DNALI1: variants seen among roughly 807,000 people sequenced by gnomAD.
DNALI1 encodes the protein dynein axonemal light intermediate chain 1.
In DNALI1, 31 loss-of-function variants were observed where a neutral mutation model predicts 33.9. The ratio of observed to expected loss-of-function variants is 0.91; its 90% CI spans 0.69 to 1.23. DNALI1 has a LOEUF of 1.23. Ranked by LOEUF, DNALI1 falls within the 50% of genes most tolerant of loss-of-function variation. The probability of loss-of-function intolerance (pLI) is 0.00; values close to 1 mark genes in which losing one functional copy is unlikely to be tolerated. For synonymous variants in DNALI1, 117 were observed against 129.2 expected, an observed-to-expected ratio of 0.91 and a Z score of 0.64; for missense variants, 305 against 323.8, an observed-to-expected ratio of 0.94 and a Z score of 0.44.
Position 37,561,776 on chromosome 1 carries a change from G to A in DNALI1, c.576+41G>A, listed in dbSNP as rs753575785. The A allele has an allele frequency of 9.4e-6, 15 of 1,592,312 alleles. No individual in the cohort carries two copies. Among genetic ancestry groups the A allele is most frequent in the Admixed American group, 5.1e-5 (3 of 58,346 alleles). On this transcript the variant is annotated intron_variant, in intron 4 of 5. Coordinates refer to ENST00000652629, the MANE Select transcript of DNALI1 (RefSeq NM_003462.5). The surrounding 1 kb of genome is among the most constrained non-coding windows in gnomAD (Gnocchi z 4.6). ...CGTGACCCTTGGTCCCATCTCTTCT[G>A]TAAACCTCAGGGCCACATGCTTATC...
Position 37,559,377 on chromosome 1 carries a change from C to A in DNALI1, c.278C>A (p.Pro93His). The stretch of plus-strand genomic sequence containing the variant: ...TGGATCCAGCAGGTGTCCAGCACCC[C>A]TAGCACCAGGATGGACGTGGTGCAC... ...QLWIQQVSSTPSTRMDVVHLQ... is the reference protein window; with the variant it reads ...QLWIQQVSSTHSTRMDVVHLQ... The change falls in exon 3 of 6, where the codon CCT becomes CAT. Residue 93 changes from proline to histidine, a missense_variant. Physicochemically the swap from Pro to His is moderately conservative, Grantham distance 77 (BLOSUM62 -2). Transcript: ENST00000652629. The surrounding 1 kb of genome is among the most constrained non-coding windows in gnomAD (Gnocchi z 5.3). 1 of 1,612,592 alleles carries A rather than the reference C, an allele frequency of 6.2e-7. No individual in the cohort carries two copies. The highest frequency in any genetic ancestry group is 8.5e-7 in the Non-Finnish European group (1 of 1,179,630).
chr1:37,558,052 T>C, intron 2 of DNALI1: 1 of 300,562 alleles, frequency 3.3e-6, no homozygotes, highest in South Asian at 6.6e-5. Flanking sequence ...CCATATAGTC[T>C]TCTGCTTCCT....
intron 1 of DNALI1, among the ~76,000 whole-genome samples, 190 bp from the exon 2 acceptor site, chr1:37,557,413 G>A (rs1274819538): frequency 1.3e-5 from 2 of 152,190 alleles, no homozygotes; most frequent in African/African-American, 2.4e-5. Context: ...ACCTGTTCAA[G>A]CATTGAGTTG....
chr1:37,557,773 G>A, intron 2 of DNALI1, 25 bp downstream of exon 2: 1 of 1,613,078 alleles, frequency 6.2e-7, no homozygotes, highest in Non-Finnish European at 8.5e-7. Flanking sequence ...GCAGTGGCTG[G>A]GAGAAGGCCT....
At position 37,557,652 on chromosome 1, in the gene DNALI1, C is replaced by T. The variant is rs1471479513; in HGVS notation, c.131C>T (p.Ala44Val). ...CAGCAGCCTGGACCTTCAGGTTCAGCCCCACAGCCACCCAAGACCAAGCTC... is the reference window on the plus strand; with the variant it reads ...CAGCAGCCTGGACCTTCAGGTTCAGTCCCACAGCCACCCAAGACCAAGCTC... ...SPQQPGPSGS[A>V]PQPPKTKLPS... is the part of the protein sequence containing the mutation. Residue 44 changes from alanine to valine, a missense_variant, in exon 2 of 6, where the codon GCC (alanine) becomes GTC (valine). Transcript: ENST00000652629. The T allele has an allele frequency of 2.5e-6, 4 of 1,614,076 alleles. No individual in the cohort carries two copies. The South Asian group carries it at 4.4e-5, about 18-fold the overall frequency.
intron 1 of DNALI1, 59 bp from the exon 2 acceptor site, chr1:37,557,544 G>T: frequency 1.3e-6 from 2 of 1,571,996 alleles, no homozygotes; most frequent in South Asian, 1.2e-5. Context: ...TACAGGTTGG[G>T]GATGTGTGGA....
At position 37,556,997 on chromosome 1, in the gene DNALI1, GAT is replaced by G; in HGVS notation, c.4_5del (p.Ile2SerfsTer92). On this transcript the variant is annotated frameshift_variant, in exon 1 of 6. Transcript: ENST00000652629. LOFTEE classifies it high-confidence loss of function. The part of the protein sequence containing the change: M[I>X]PPADSLLKYD... ...GGGTTGCTACTCTCGCCTCCGCCATGATTCCGCCCGCAGACTCTTTGCTCAAG... is the reference window on the plus strand; with the variant it reads ...GGGTTGCTACTCTCGCCTCCGCCATGTCCGCCCGCAGACTCTTTGCTCAAG... 1 of 1,614,236 alleles carries G rather than the reference GAT, an allele frequency of 6.2e-7. No individual in the cohort carries two copies. The highest frequency in any genetic ancestry group is 8.5e-7 in the Non-Finnish European group (1 of 1,180,034).
rs74552828 is a variant in DNALI1 at position 37,562,992 on chromosome 1, G to T, written c.741+747G>T. On this transcript the variant is annotated intron_variant, in intron 5 of 5. Coordinates refer to ENST00000652629, the MANE Select transcript of DNALI1 (RefSeq NM_003462.5). This position sits in a 1 kb window ranked among gnomAD's most constrained non-coding sequence, Gnocchi z 5.8. ...ACCAAATCAGAAAATTCGGGGTTGG[G>T]GTCCAGCAATGTGCTTTAACAAGGT... 4.1e-3 allele frequency among the ~76,000 whole-genome samples: 623 copies of T among 152,294 alleles called. 3 individuals are homozygous for T. Among genetic ancestry groups the T allele is most frequent in the African/African-American group, 0.014 (598 of 41,568 alleles).
Position 37,561,014 on chromosome 1 carries a change from C to G in DNALI1, c.398-543C>G, listed in dbSNP as rs924459966. The G allele has an allele frequency of 6.5e-6, 1 of 152,740 alleles. No homozygotes were observed. The highest frequency in any genetic ancestry group is 2.4e-5 in the African/African-American group (1 of 41,442). 9.5% of individuals were successfully genotyped at this position (152,740 alleles called of 1,614,324 possible). A position where few individuals can be genotyped will look rare whatever the true frequency, so the allele number is the denominator to read the frequency against. ...CTCTTATGGACGCCGATCTGCAAACCACCTCCAAACCCTCAGGCAGCTGCA... is the reference window on the plus strand; with the variant it reads ...CTCTTATGGACGCCGATCTGCAAACGACCTCCAAACCCTCAGGCAGCTGCA... On this transcript the variant is annotated intron_variant, in intron 3 of 5. Transcript: ENST00000652629. This position sits in a 1 kb window ranked among gnomAD's most constrained non-coding sequence, Gnocchi z 4.6.
rs200317363 is a variant in DNALI1 at position 37,557,006 on chromosome 1, C to T, written c.12C>T (p.Pro4=). The part of the protein sequence containing the change: MIP[P]ADSLLKYDTP... ...CTCTCGCCTCCGCCATGATTCCGCC[C>T]GCAGACTCTTTGCTCAAGTACGACA... Residue 4 remains proline, a synonymous_variant, in exon 1 of 6, where the codon CCC becomes CCT. Transcript: ENST00000652629. 117 of 1,614,188 alleles carry T rather than the reference C, an allele frequency of 7.2e-5. No individual in the cohort carries two copies. The highest frequency in any genetic ancestry group is 6.5e-4 in the South Asian group (59 of 91,092).
In DNALI1 at chr1:37,562,157, A is replaced by C; in HGVS notation, c.653A>C (p.Glu218Ala). ...CAGAAGGCAAAATGTGAAGCCACTG[A>C]GAAGCGGGAGAGCGAGAGGCGGCAG... ...NEQKAKCEAT[E>A]KRESERRQVE... The change falls in exon 5 of 6, where the codon GAG (glutamate) becomes GCG (alanine). Residue 218 changes from glutamate (E) to alanine (A), a missense_variant. Physicochemically the swap from Glu to Ala is moderately radical, Grantham distance 107. Transcript: ENST00000652629. This position sits in a 1 kb window ranked among gnomAD's most constrained non-coding sequence, Gnocchi z 5.8. The C allele has an allele frequency of 1.2e-6, 2 of 1,614,102 alleles. No individual in the cohort carries two copies. The highest frequency in any genetic ancestry group is 1.1e-5 in the South Asian group (1 of 91,068).
chr1:37,561,767 A>G lies in DNALI1; in HGVS notation c.576+32A>G, dbSNP rs1345087934. 6.2e-7 allele frequency: 1 copy of G among 1,600,580 alleles called. No individual in the cohort carries two copies. Among genetic ancestry groups the G allele is most frequent in the South Asian group, 1.1e-5 (1 of 89,896 alleles). The stretch of plus-strand genomic sequence containing the variant: ...GGGGTTTACCGTGACCCTTGGTCCC[A>G]TCTCTTCTGTAAACCTCAGGGCCAC... On this transcript the variant is annotated intron_variant, in intron 4 of 5. Transcript: ENST00000652629. This position sits in a 1 kb window ranked among gnomAD's most constrained non-coding sequence, Gnocchi z 4.6.
chr1:37,557,929 T>G, intron 2 of DNALI1, 181 bp downstream of exon 2: 1 of 753,288 alleles, frequency 1.3e-6, no homozygotes, highest in African/African-American at 1.8e-5. Flanking sequence ...CTTCTCAATC[T>G]ACCCTCATTT....
Position 37,566,515 on chromosome 1 carries a change from G to A in DNALI1, c.*1454G>A. 4.5e-6 allele frequency: 1 copy of A among 219,832 alleles called. No individual in the cohort carries two copies. Among genetic ancestry groups the A allele is most frequent in the Non-Finnish European group, 8.9e-6 (1 of 112,190 alleles). 13.6% of individuals were successfully genotyped at this position (219,832 alleles called of 1,614,324 possible). A position where few individuals can be genotyped will look rare whatever the true frequency, so the allele number is the denominator to read the frequency against. ...TAACGTCCTTGAAATTTGCAGTTCT[G>A]TATGCTTCTATTCCAAATCATTCAT... On this transcript the variant is annotated 3_prime_UTR_variant, in exon 6 of 6. Coordinates refer to ENST00000652629, the MANE Select transcript of DNALI1 (RefSeq NM_003462.5).
Position 37,561,517 on chromosome 1 carries a change from C to G in DNALI1, c.398-40C>G, listed in dbSNP as rs746620956. 7.5e-6 allele frequency: 12 copies of G among 1,601,410 alleles called. No homozygotes were observed. The highest frequency in any genetic ancestry group is 2.7e-5 in the African/African-American group (2 of 74,740). ...AGTAGACATACTGCAAGCCCCCTCC[C>G]CACGCCCTGTCTGATCTCATGGTGT... On this transcript the variant is annotated intron_variant, in intron 3 of 5. Transcript: ENST00000652629. This position sits in a 1 kb window ranked among gnomAD's most constrained non-coding sequence, Gnocchi z 4.6.
intron 2 of DNALI1, chr1:37,557,987 C>T (rs1427843999): frequency 2.0e-6 from 1 of 506,230 alleles, no homozygotes; most frequent in East Asian, 3.7e-5. Context: ...CACCTATGTG[C>T]TGATGGCTCC....
chr1:37,557,237 A>G (rs1403139877), intron 1 of DNALI1, among the ~76,000 whole-genome samples, 162 bp downstream of exon 1: 1 of 152,176 alleles, frequency 6.6e-6, no homozygotes, highest in East Asian at 1.9e-4. Flanking sequence ...TTGTATAGGA[A>G]GCCCAGATGT....
In DNALI1 at chr1:37,561,863, G is replaced by C; in HGVS notation, c.576+128G>C. 2 of 1,398,934 alleles carry C rather than the reference G, an allele frequency of 1.4e-6. No homozygotes were observed. Among genetic ancestry groups the C allele is most frequent in the South Asian group, 1.4e-5 (1 of 72,052 alleles). The allele number at this position is 1,398,934 out of a possible 1,614,324, so 86.7% of individuals were successfully genotyped here. A position where few individuals can be genotyped will look rare whatever the true frequency, so the allele number is the denominator to read the frequency against. ...GCTGACAGTCACGACACCTGGACTT[G>C]CATCACCTCAGTGAGGGACCCCTGG... On this transcript the variant is annotated intron_variant, in intron 4 of 5. Coordinates refer to ENST00000652629, the MANE Select transcript of DNALI1 (RefSeq NM_003462.5). The surrounding 1 kb of genome is among the most constrained non-coding windows in gnomAD (Gnocchi z 4.6).
At position 37,566,676 on chromosome 1, in the gene DNALI1, C is replaced by T. The variant is rs1321731226; in HGVS notation, c.*1615C>T. ...CTACCTGAAGTGCTAGACTTTCAGA[C>T]TCTTATCACTGAAATCCTTAAGGTT... On this transcript the variant is annotated 3_prime_UTR_variant, in exon 6 of 6. Coordinates refer to ENST00000652629, the MANE Select transcript of DNALI1 (RefSeq NM_003462.5). The T allele has an allele frequency of 1.7e-6, 1 of 602,848 alleles. No homozygotes were observed. Among genetic ancestry groups the T allele is most frequent in the Admixed American group, 3.1e-5 (1 of 32,138 alleles). 37.3% of individuals were successfully genotyped at this position (602,848 alleles called of 1,614,324 possible). A position where few individuals can be genotyped will look rare whatever the true frequency, so the allele number is the denominator to read the frequency against.
Sources: gnomAD v4.1 joint callset for allele counts (sites outside exome capture counted in the v4.1 genomes callset) on GRCh38, gnomAD v4.1.1 for gene constraint, Gnocchi (gnomAD v3.1) non-coding constraint, MANE v1.5 for transcripts, NCBI Gene and HGNC (gene_info 2026-07-23, HGNC 2026-07-21) for gene names.